The following RIPOR2 variants were observed in gnomAD, a reference collection of about 807,000 sequenced individuals.
RIPOR2 encodes RHO family interacting cell polarization regulator 2.
Under a neutral mutation model 114.5 loss-of-function variants are expected in RIPOR2, and 39 were observed. The ratio of observed to expected loss-of-function variants is 0.34; its 90% CI spans 0.26 to 0.44. RIPOR2 has a LOEUF of 0.44. Ranked by LOEUF, RIPOR2 falls within the 20% of genes least tolerant of loss-of-function variation. The probability of loss-of-function intolerance (pLI) is 1.00; values close to 1 mark genes in which losing one functional copy is unlikely to be tolerated. For missense variants in RIPOR2, 1,007 were observed against 1,255.1 expected (o/e 0.80, Z 2.99); for synonymous variants, 445 against 484.4 (o/e 0.92, Z 1.07).
chr6:25,003,575 G>A (rs897172203), intron 1 of RIPOR2, among the ~76,000 whole-genome samples: 5 of 151,780 alleles, frequency 3.3e-5, no homozygotes, highest in South Asian at 2.1e-4. Flanking sequence ...GACTACATGC[G>A]TGCACCACCA....
At chr6:25,035,921 A>G (rs999331724) in intron 1 of RIPOR2, among the ~76,000 whole-genome samples, 1 of 152,208 alleles carries the variant, frequency 6.6e-6, no homozygotes, top group Non-Finnish European at 1.5e-5. Context: ...GACTGTTTCT[A>G]TGAATCAGAG....
chr6:24,832,500 C>T (rs565431568), intron 15 of RIPOR2, 109 bp from the exon 16 acceptor site: 54 of 934,540 alleles, frequency 5.8e-5, no homozygotes, highest in African/African-American at 5.1e-4. Flanking sequence ...TAAACTCATG[C>T]GATGTTTTTC....
At chr6:25,003,880 G>A (rs1194948224) in intron 1 of RIPOR2, among the ~76,000 whole-genome samples, 1 of 152,170 alleles carries the variant, frequency 6.6e-6, no homozygotes, top group African/African-American at 2.4e-5. Flanking sequence ...GAATTCGTAT[G>A]TTAAAAATAG....
intron 14 of RIPOR2, among the ~76,000 whole-genome samples, chr6:24,838,367 G>A (rs1322308894): frequency 1.3e-5 from 2 of 152,176 alleles, no homozygotes. Flanking sequence ...CAAAGGCAGT[G>A]GAAGTAAAGT....
chr6:24,982,424 G>A (rs1338713375), intron 1 of RIPOR2, among the ~76,000 whole-genome samples: 1 of 152,168 alleles, frequency 6.6e-6, no homozygotes, highest in Non-Finnish European at 1.5e-5. Flanking sequence ...TAGTTTCTAG[G>A]TGACTCAGCT....
At chr6:24,880,322 C>T (rs549217106) in intron 1 of RIPOR2, among the ~76,000 whole-genome samples, 7 of 152,150 alleles carry the variant, frequency 4.6e-5, no homozygotes, top group African/African-American at 1.4e-4. Flanking sequence ...AACATGGCCA[C>T]ATGGAAAGAT....
rs907895790 is a variant in RIPOR2, at chr6:24,834,114, A to C, written c.2208+1589T>G. 2.6e-5 allele frequency among the ~76,000 whole-genome samples: 4 copies of C among 152,106 alleles called. No individual in the cohort carries two copies. In the East Asian group the frequency reaches 7.7e-4, roughly 29 times the overall value. ...AAAAAAAAACTGCACATTCTACCAG[A>C]TTGGTTATCAGTCTCATGGTTTGTG... On this transcript the variant is annotated intron_variant, in intron 15 of 21. Coordinates refer to ENST00000643898, the MANE Select transcript of RIPOR2 (RefSeq NM_001286445.3).
upstream of RIPOR2, chr6:25,042,144 CT>C: frequency 2.1e-6 from 1 of 472,530 alleles, no homozygotes; most frequent in Non-Finnish European, 3.7e-6. Context: ...TAACTTCCGA[CT>C]GGCCCGAAGG....
rs532495445 is a variant in RIPOR2 at position 24,976,624 on chromosome 6, G to A, written c.76+65227C>T. 2.0e-4 allele frequency: 314 copies of A among 1,609,352 alleles called. 1 individual carries two copies. Among genetic ancestry groups the A allele is most frequent in the South Asian group, 1.0e-3 (94 of 90,972 alleles). On this transcript the variant is annotated intron_variant, in intron 1 of 13. Transcript: ENST00000510784. ...TCTGAGCACTGGAGAGAAAGGATTTGGTTATAAGGGTTCCTGCTTTCACAG... is the reference window on the plus strand; with the variant it reads ...TCTGAGCACTGGAGAGAAAGGATTTAGTTATAAGGGTTCCTGCTTTCACAG...
At chr6:24,918,851 A>C (rs1581796368) in intron 1 of RIPOR2, among the ~76,000 whole-genome samples, 1 of 152,176 alleles carries the variant, frequency 6.6e-6, no homozygotes, top group Non-Finnish European at 1.5e-5. Flanking sequence ...CTCTGAATCC[A>C]GCTGCATGCT....
chr6:25,015,310 T>G (rs1006926022), intron 1 of RIPOR2: 2 of 152,228 alleles, frequency 1.3e-5, no homozygotes, highest in African/African-American at 2.4e-5. Flanking sequence ...AGAGCACATT[T>G]GTACTCTGGT....
chr6:25,016,295 T>C (rs1344215814), intron 1 of RIPOR2, among the ~76,000 whole-genome samples: 1 of 152,114 alleles, frequency 6.6e-6, no homozygotes, highest in South Asian at 2.1e-4. Context: ...ATCAGAACTA[T>C]ATGGAATAAG....
chr6:24,875,938 G>T (rs1031968312), intron 1 of RIPOR2, 121 bp from the exon 2 acceptor site: 2 of 915,302 alleles, frequency 2.2e-6, no homozygotes, highest in Non-Finnish European at 3.3e-6. Context: ...TGCTTGTGAG[G>T]TTCTTTATTA....
At chr6:25,017,839 T>C (rs766852397) in intron 1 of RIPOR2, among the ~76,000 whole-genome samples, 3 of 152,232 alleles carry the variant, frequency 2.0e-5, no homozygotes, top group Admixed American at 6.5e-5. Flanking sequence ...TGGGCTTGCA[T>C]TGGTTTCAAA....
At chr6:25,040,277 G>C (rs894364132) in intron 1 of RIPOR2, among the ~76,000 whole-genome samples, 1 of 152,002 alleles carries the variant, frequency 6.6e-6, no homozygotes, top group Non-Finnish European at 1.5e-5. Context: ...CACCACGCCT[G>C]GCTAATTTTT....
intron 1 of RIPOR2, among the ~76,000 whole-genome samples, chr6:25,006,181 A>G (rs1775556517): frequency 6.6e-6 from 1 of 152,194 alleles, no homozygotes; most frequent in East Asian, 1.9e-4. Flanking sequence ...TTCTCTTTCC[A>G]TATACCAACA....
At chr6:25,035,915 GT>G (rs1458632340) in intron 1 of RIPOR2, among the ~76,000 whole-genome samples, 1 of 152,198 alleles carries the variant, frequency 6.6e-6, no homozygotes, top group Admixed American at 6.5e-5. Flanking sequence ...ATCTAAGACT[GT>G]TTCTATGAAT....
chr6:24,876,740 G>C (rs1205613609), intron 1 of RIPOR2, among the ~76,000 whole-genome samples: 1 of 152,198 alleles, frequency 6.6e-6, no homozygotes, highest in East Asian at 1.9e-4. Context: ...CGGTCGGGGG[G>C]AAGGTAAGAG....
At chr6:24,958,486 C>G (rs115086705) in intron 1 of RIPOR2, among the ~76,000 whole-genome samples, 1 of 152,046 alleles carries the variant, frequency 6.6e-6, no homozygotes, top group Admixed American at 6.6e-5. Flanking sequence ...TACTTCCCAG[C>G]GCATTAACTC....
Sources: allele counts gnomAD v4.1 joint callset (sites outside exome capture counted in the v4.1 genomes callset), GRCh38; gene constraint gnomAD v4.1.1; transcripts MANE v1.5; gene names NCBI Gene and HGNC (gene_info 2026-07-23, HGNC 2026-07-21).